Variants in CPD observed in about 807,000 individuals in gnomAD.
CPD encodes the protein carboxypeptidase D, also known as metallocarboxypeptidase D.
CPD carries 69 observed loss-of-function variants against 138.3 expected under a neutral mutation model. That is an observed-to-expected ratio of 0.50 (90% confidence interval 0.41 to 0.61). CPD has a LOEUF of 0.61. Ranked by LOEUF, CPD falls within the 20% of genes least tolerant of loss-of-function variation. The probability of loss-of-function intolerance (pLI) is 0.00; values close to 1 mark genes in which losing one functional copy is unlikely to be tolerated. For missense variants in CPD, 1,432 were observed against 1,733.3 expected (o/e 0.83, Z 3.09); for synonymous variants, 651 against 642.1 (o/e 1.01, Z -0.21).
Position 30,442,186 on chromosome 17 carries a change from G to C in CPD, c.2231-122G>C, listed in dbSNP as rs1272176954. On this transcript the variant is annotated intron_variant, in intron 9 of 20. Transcript: ENST00000225719. The stretch of plus-strand genomic sequence containing the variant: ...CATCAAAGTGCCCTCACATGAACAC[G>C]TTAGCTTATCAATGCTGATAAGAGA... 4 of 808,322 alleles carry C rather than the reference G, an allele frequency of 4.9e-6. No homozygotes were observed. The African/African-American group carries it at 5.2e-5, about 10-fold the overall frequency. The allele number at this position is 808,322 out of a possible 1,614,324, so 50.1% of individuals were successfully genotyped here. A position where few individuals can be genotyped will look rare whatever the true frequency, so the allele number is the denominator to read the frequency against.
chr17:30,395,190 T>A (rs896451776), intron 2 of CPD, among the ~76,000 whole-genome samples: 3 of 149,510 alleles, frequency 2.0e-5, no homozygotes, highest in Non-Finnish European at 4.4e-5. Context: ...AATGAACAGA[T>A]GGGTGCTTTT....
At chr17:30,407,961 A>G (rs533333220) in intron 2 of CPD, among the ~76,000 whole-genome samples, 1 of 152,256 alleles carries the variant, frequency 6.6e-6, no homozygotes, top group African/African-American at 2.4e-5. Context: ...TCGTACGTTT[A>G]ATTCTTTAAA....
Position 30,445,822 on chromosome 17 carries a change from A to T in CPD, c.2675A>T (p.Asn892Ile), listed in dbSNP as rs552326377. Reference protein sequence around the residue: ...KKGKGASSSTNDASDPTTKEF... With the variant: ...KKGKGASSSTIDASDPTTKEF... The stretch of plus-strand genomic sequence containing the variant: ...GGAAAAGGGGCTAGCAGCAGCACCA[A>T]TGATGCCAGTGATCCAACTACTAAA... The change falls in exon 12 of 21, where the codon AAT becomes ATT. Residue 892 changes from asparagine (N) to isoleucine (I), a missense_variant. Physicochemically the swap from Asn to Ile is moderately radical, Grantham distance 149 (BLOSUM62 -3). This residue lies in a region of CPD where 124 missense variants were observed against 117.0 expected (regional missense o/e 1.06). Transcript: ENST00000225719. The T allele has an allele frequency of 6.2e-7, 1 of 1,614,138 alleles. No individual in the cohort carries two copies.
intron 2 of CPD, among the ~76,000 whole-genome samples, chr17:30,420,367 C>T (rs1472853291): frequency 6.6e-6 from 1 of 152,188 alleles, no homozygotes; most frequent in East Asian, 1.9e-4. Flanking sequence ...ATATGCTTCA[C>T]AACTTTGAGA....
chr17:30,462,487 T>A lies in CPD; in HGVS notation c.3916+18T>A. 1.3e-6 allele frequency: 2 copies of A among 1,580,254 alleles called. No individual in the cohort carries two copies. Among genetic ancestry groups the A allele is most frequent in the Non-Finnish European group, 1.7e-6 (2 of 1,150,976 alleles). ...TGTATCAGGTAAAGACATTTTGATT[T>A]TTAGTAGTAAAAGTTAAAAACAATC... is the stretch of plus-strand genomic sequence containing the variant. On this transcript the variant is annotated intron_variant, in intron 20 of 20. Transcript: ENST00000225719.
intron 18 of CPD, 43 bp from the exon 19 acceptor site, chr17:30,461,834 G>C: frequency 6.6e-7 from 1 of 1,506,798 alleles, no homozygotes; most frequent in South Asian, 1.3e-5. Context: ...TACCATGTCT[G>C]GCATTATGAC....
At position 30,467,100 on chromosome 17, in the gene CPD, T is replaced by C. The variant is rs1021120998; in HGVS notation, c.*2286T>C. On this transcript the variant is annotated 3_prime_UTR_variant, in exon 21 of 21. Transcript: ENST00000225719. ...TTGCGGGTCTAATCTAATATTAGAATATATTAACCGCTTAAGGCATTGAAG... is the reference window on the plus strand; with the variant it reads ...TTGCGGGTCTAATCTAATATTAGAACATATTAACCGCTTAAGGCATTGAAG... 7 of 152,634 alleles carry C rather than the reference T, an allele frequency of 4.6e-5. No individual in the cohort carries two copies. Among genetic ancestry groups the C allele is most frequent in the African/African-American group, 1.4e-4 (6 of 41,458 alleles). 9.5% of individuals were successfully genotyped at this position (152,634 alleles called of 1,614,324 possible).
In CPD at chr17:30,449,638, A is replaced by G. The variant is rs767810875; in HGVS notation, c.2959A>G (p.Ile987Val). The G allele has an allele frequency of 6.2e-6, 10 of 1,610,532 alleles. No homozygotes were observed. Among genetic ancestry groups the G allele is most frequent in the African/African-American group, 1.3e-5 (1 of 74,678 alleles). The part of the protein sequence containing the change: ...PNVSEPEEPK[I>V]RFVAGIHGNA... ...TGTATCTGAGCCTGAAGAACCAAAG[A>G]TTCGTTTTGTTGCTGGTATCCATGG... Residue 987 changes from isoleucine to valine, a missense_variant, in exon 13 of 21, where the codon ATT becomes GTT. Around this residue, in one of 6 missense-constraint regions of CPD, gnomAD observed 366 missense variants for 518.8 expected, o/e 0.71. Coordinates refer to ENST00000225719, the MANE Select transcript of CPD (RefSeq NM_001304.5).
At chr17:30,429,707 T>TC (rs1180151616) in intron 7 of CPD, among the ~76,000 whole-genome samples, 1 of 152,182 alleles carries the variant, frequency 6.6e-6, no homozygotes, top group Non-Finnish European at 1.5e-5. Flanking sequence ...AGTGCTCTTA[T>TC]AACAAAGGGT....
rs1913489666 is a variant in CPD, at chr17:30,462,008, A to C, written c.3762A>C (p.Pro1254=). 3 of 1,613,960 alleles carry C rather than the reference A, an allele frequency of 1.9e-6. No homozygotes were observed. In the East Asian group the frequency reaches 6.7e-5, roughly 36 times the overall value. ...EGGYFHVLLA[P]GVHNIIAIAD... is the part of the protein sequence containing the mutation. ...GTTATTTCCATGTACTCTTAGCGCC[A>C]GGTGTCCATAACATTATTGCCATCG... The change falls in exon 19 of 21, where the codon CCA becomes CCC. Residue 1254 remains proline (P), a synonymous_variant. Coordinates refer to ENST00000225719, the MANE Select transcript of CPD (RefSeq NM_001304.5).
chr17:30,380,352 T>A, intron 1 of CPD: 1 of 517,496 alleles, frequency 1.9e-6, no homozygotes. Context: ...CCTTGCCTAT[T>A]TGACAGAAGC....
intron 2 of CPD, among the ~76,000 whole-genome samples, chr17:30,386,304 T>C (rs1451082763): frequency 6.6e-6 from 1 of 152,158 alleles, no homozygotes; most frequent in Non-Finnish European, 1.5e-5. Context: ...GCTGGGATTA[T>C]AGATGTGAGC....
intron 8 of CPD, among the ~76,000 whole-genome samples, chr17:30,434,823 A>G (rs1316166461): frequency 1.3e-5 from 2 of 152,132 alleles, no homozygotes; most frequent in African/African-American, 4.8e-5. Flanking sequence ...ACACTGAGGT[A>G]CCTGGATTTT....
At chr17:30,382,577 T>C (rs1911076772) in intron 1 of CPD, among the ~76,000 whole-genome samples, 1 of 152,204 alleles carries the variant, frequency 6.6e-6, no homozygotes, top group African/African-American at 2.4e-5. Flanking sequence ...AACTGTGTAA[T>C]TACAGTAAGG....
intron 12 of CPD, among the ~76,000 whole-genome samples, chr17:30,446,628 A>G (rs546449073): frequency 2.9e-4 from 44 of 152,330 alleles, no homozygotes; most frequent in African/African-American, 9.1e-4. Context: ...TAGTGCCACA[A>G]TAAACATACG....
intron 2 of CPD, among the ~76,000 whole-genome samples, chr17:30,392,820 A>G (rs1847499615): frequency 1.3e-5 from 2 of 152,222 alleles, no homozygotes; most frequent in African/African-American, 4.8e-5. Flanking sequence ...ACAGATATTT[A>G]TCTCAGATGT....
intron 1 of CPD, among the ~76,000 whole-genome samples, chr17:30,381,466 G>C (rs1271103983): frequency 6.6e-6 from 1 of 152,088 alleles, no homozygotes; most frequent in Non-Finnish European, 1.5e-5. Flanking sequence ...TTGGTCTGTG[G>C]CTGTGGACTA....
At chr17:30,413,235 G>A (rs908875526) in intron 2 of CPD, among the ~76,000 whole-genome samples, 6 of 152,162 alleles carry the variant, frequency 3.9e-5, no homozygotes, top group Admixed American at 2.6e-4. Flanking sequence ...GTGTGTTTAC[G>A]TGTATATGTA....
At chr17:30,448,252 C>T (rs1678498140) in intron 12 of CPD, among the ~76,000 whole-genome samples, 3 of 152,144 alleles carry the variant, frequency 2.0e-5, no homozygotes, top group Admixed American at 2.0e-4. Context: ...AATCCCAGCA[C>T]TTTGGGAGGC....
Sources: allele counts gnomAD v4.1 joint callset (sites outside exome capture counted in the v4.1 genomes callset), GRCh38; gene constraint gnomAD v4.1.1; regional missense constraint gnomAD v4.1.1; transcripts MANE v1.5; gene names NCBI Gene and HGNC (gene_info 2026-07-23, HGNC 2026-07-21).